CTNS: variants seen among roughly 807,000 people sequenced by gnomAD.
The protein encoded by CTNS is cystinosin.
CTNS carries 27 observed loss-of-function variants against 43.7 expected under a neutral mutation model. The observed-to-expected ratio is 0.62, with a 90% CI of 0.46 to 0.85. CTNS has a LOEUF of 0.85. Among genes scored for constraint, CTNS ranks in the 40% least tolerant of loss-of-function variants. The pLI, the probability that CTNS is intolerant of heterozygous loss-of-function variation, is 0.00. For missense variants in CTNS, 457 were observed against 475.4 expected, an observed-to-expected ratio of 0.96 and a Z score of 0.36; for synonymous variants, 187 against 190.6, an observed-to-expected ratio of 0.98 and a Z score of 0.16.
rs1265159480 is a variant in CTNS, at chr17:3,661,717, A to G, written c.*1348A>G. On this transcript the variant is annotated 3_prime_UTR_variant, in exon 12 of 12. Transcript: ENST00000046640. ...GGTAGCGCGAGACGCCTACCCGCCCAGGGCCAGGTCAGTCTCCCAGGCTCC... is the reference window on the plus strand; with the variant it reads ...GGTAGCGCGAGACGCCTACCCGCCCGGGGCCAGGTCAGTCTCCCAGGCTCC... Among the ~76,000 whole-genome samples, 11 of 152,164 alleles carry G rather than the reference A, an allele frequency of 7.2e-5. No individual in the cohort carries two copies. The highest frequency in any genetic ancestry group is 1.3e-4 in the Non-Finnish European group (9 of 68,030).
intron 5 of CTNS, among the ~76,000 whole-genome samples, chr17:3,654,737 A>G (rs1006388899): frequency 6.7e-6 from 1 of 149,390 alleles, no homozygotes; most frequent in Non-Finnish European, 1.5e-5. Flanking sequence ...GCTCACATCT[A>G]TAATCCCAGC....
In CTNS at chr17:3,647,460, C is replaced by G. The variant is rs2075869844; in HGVS notation, c.78C>G (p.Leu26=). 1 of 1,614,142 alleles carries G rather than the reference C, an allele frequency of 6.2e-7. No homozygotes were observed. Among genetic ancestry groups the G allele is most frequent in the South Asian group, 1.1e-5 (1 of 91,086 alleles). Residue 26 remains leucine (L), a synonymous_variant, in exon 4 of 12, where the codon CTC becomes CTG. Transcript: ENST00000046640. Reference sequence around the variant, plus strand: ...TCCTTCCAGAGTCAAGCGTCAGCCTCACTGTTCCTCCTGTCGTAAAGCTGG... The same window carrying G: ...TCCTTCCAGAGTCAAGCGTCAGCCTGACTGTTCCTCCTGTCGTAAAGCTGG... ...LVEKCESSVS[L]TVPPVVKLEN... is the part of the protein sequence containing the mutation.
chr17:3,637,533 C>G (rs895461262), intron 2 of CTNS, among the ~76,000 whole-genome samples: 5 of 150,898 alleles, frequency 3.3e-5, no homozygotes, highest in African/African-American at 1.2e-4. Flanking sequence ...GTGGCGCGAT[C>G]TCGGCTCACT....
chr17:3,658,231 G>A lies in CTNS; in HGVS notation c.852+56G>A, dbSNP rs1018305089. 5.3e-5 allele frequency: 85 copies of A among 1,603,102 alleles called. 2 individuals are homozygous for A. The Admixed American group carries it at 1.4e-3, about 26-fold the overall frequency. The stretch of plus-strand genomic sequence containing the variant: ...TGGCAGGAGAGGTGAGAGCTACATG[G>A]CCCAGGCCCTGCTCCGGTGGGGCAG... On this transcript the variant is annotated intron_variant, in intron 10 of 11. Coordinates refer to ENST00000046640, the MANE Select transcript of CTNS (RefSeq NM_004937.3).
chr17:3,651,338 G>A (rs369500130), intron 5 of CTNS, among the ~76,000 whole-genome samples: 1 of 151,866 alleles, frequency 6.6e-6, no homozygotes. Context: ...CAGGCGATCC[G>A]CCCACCTCGG....
intron 5 of CTNS, chr17:3,650,463 TG>T: frequency 9.6e-7 from 1 of 1,043,090 alleles, no homozygotes; most frequent in East Asian, 2.6e-5. Flanking sequence ...GCCTGAGTGT[TG>T]GAGCAAGACT....
Position 3,648,880 on chromosome 17 carries a change from T to A in CTNS, c.174T>A (p.Phe58Leu). 6.2e-7 allele frequency: 1 copy of A among 1,614,126 alleles called. No homozygotes were observed. Among genetic ancestry groups the A allele is most frequent in the Non-Finnish European group, 8.5e-7 (1 of 1,179,932 alleles). The stretch of plus-strand genomic sequence containing the variant: ...TAAATGCAACCCTGGTGATCACTTT[T>A]GAAATCACATTTCGTTCCAAAAATA... Reference protein sequence around the residue: ...PPLNATLVITFEITFRSKNIT... With the variant: ...PPLNATLVITLEITFRSKNIT... Residue 58 changes from phenylalanine (F) to leucine (L), a missense_variant, in exon 5 of 12, where the codon TTT becomes TTA. Transcript: ENST00000046640.
intron 4 of CTNS, among the ~76,000 whole-genome samples, chr17:3,648,489 C>T (rs1223092668): frequency 1.3e-5 from 2 of 152,228 alleles, no homozygotes; most frequent in Non-Finnish European, 2.9e-5. Context: ...TCTCCTCCTT[C>T]AGTCAAATGC....
rs181994123 is a variant in CTNS, at chr17:3,642,517, G to A, written c.61+2250G>A. On this transcript the variant is annotated intron_variant, in intron 3 of 11. Coordinates refer to ENST00000046640, the MANE Select transcript of CTNS (RefSeq NM_004937.3). ...AGCCTGGCCAACATGGTGAAACCCC[G>A]TCTCTACTAAAAATACAAAATTAGC... Among the ~76,000 whole-genome samples the A allele has an allele frequency of 4.3e-3, 656 of 152,110 alleles. 3 individuals are homozygous for A. The highest frequency in any genetic ancestry group is 6.8e-3 in the Non-Finnish European group (463 of 67,974).
intron 5 of CTNS, 29 bp from the exon 6 acceptor site, chr17:3,654,969 A>G (rs2076090965): frequency 2.0e-6 from 3 of 1,530,676 alleles, no homozygotes; most frequent in Non-Finnish European, 2.7e-6. Context: ...TGTACGTGGC[A>G]TCGGATTGAA....
Position 3,662,190 on chromosome 17 carries a change from A to G in CTNS, c.*1821A>G, listed in dbSNP as rs1378789475. ...GCTGGGCATGGTGGCGGGCACCTGT[A>G]ATCCCAGCTACTTGGTTGGCTGAGG... On this transcript the variant is annotated 3_prime_UTR_variant, in exon 12 of 12. Coordinates refer to ENST00000046640, the MANE Select transcript of CTNS (RefSeq NM_004937.3). 1.2e-4 allele frequency among the ~76,000 whole-genome samples: 19 copies of G among 152,126 alleles called. No homozygotes were observed. The highest frequency in any genetic ancestry group is 1.5e-5 in the Non-Finnish European group (1 of 68,024).
At chr17:3,648,771 GA>G in intron 4 of CTNS, 75 bp from the exon 5 acceptor site, 1 of 1,209,024 alleles carries the variant, frequency 8.3e-7, no homozygotes, top group South Asian at 1.2e-5. Context: ...TTGAAGGCCA[GA>G]TGTGAAATCC....
chr17:3,647,359 A>C (rs1404850275), intron 3 of CTNS, 85 bp from the exon 4 acceptor site: 2 of 1,120,108 alleles, frequency 1.8e-6, no homozygotes, highest in Admixed American at 3.4e-5. Context: ...TCAGGAGTTC[A>C]GATGTCAGGG....
chr17:3,658,376 C>G (rs994014174), intron 10 of CTNS, among the ~76,000 whole-genome samples: 1 of 152,176 alleles, frequency 6.6e-6, no homozygotes, highest in East Asian at 1.9e-4. Context: ...CACAGGAGAT[C>G]GCTAGCGGAG....
Position 3,661,126 on chromosome 17 carries a change from C to G in CTNS, c.*757C>G. The G allele has an allele frequency of 3.0e-6, 1 of 335,352 alleles. No individual in the cohort carries two copies. Among genetic ancestry groups the G allele is most frequent in the Non-Finnish European group, 5.8e-6 (1 of 171,538 alleles). 20.8% of individuals were successfully genotyped at this position (335,352 alleles called of 1,614,324 possible). A position where few individuals can be genotyped will look rare whatever the true frequency, so the allele number is the denominator to read the frequency against. On this transcript the variant is annotated 3_prime_UTR_variant, in exon 12 of 12. Transcript: ENST00000046640. The stretch of plus-strand genomic sequence containing the variant: ...TCAGATTAGCCCCATCTGAGCACAT[C>G]CAGCTGCTCCTTACCCAGCATCTGG...
chr17:3,660,077 C>T, intron 11 of CTNS, 102 bp downstream of exon 11: 1 of 1,434,928 alleles, frequency 7.0e-7, no homozygotes, highest in Non-Finnish European at 9.8e-7. Context: ...CACCTGGGAT[C>T]CAAGCCAATC....
chr17:3,650,336 G>A (rs780942276), intron 5 of CTNS: 7 of 1,547,740 alleles, frequency 4.5e-6, no homozygotes, highest in Non-Finnish European at 3.5e-6. Context: ...ATATAGCATC[G>A]CTGGCTGCAG....
chr17:3,649,297 C>A (rs1361269957), intron 5 of CTNS, among the ~76,000 whole-genome samples: 1 of 151,920 alleles, frequency 6.6e-6, no homozygotes, highest in Non-Finnish European at 1.5e-5. Context: ...AAAGTAAATA[C>A]AAAAATTAGC....
chr17:3,662,504 C>G lies in CTNS; in HGVS notation c.*2135C>G, dbSNP rs1023011232. On this transcript the variant is annotated 3_prime_UTR_variant, in exon 12 of 12. Coordinates refer to ENST00000046640, the MANE Select transcript of CTNS (RefSeq NM_004937.3). ...CCCTCGCTGGGATACACGGAGTGCC[C>G]TTATAGGCAGGGAGTCTTATAGGCA... Among the ~76,000 whole-genome samples, 7 of 151,986 alleles carry G rather than the reference C, an allele frequency of 4.6e-5. No individual in the cohort carries two copies. The highest frequency in any genetic ancestry group is 1.7e-4 in the African/African-American group (7 of 41,380).
Sources: allele counts gnomAD v4.1 joint callset (sites outside exome capture counted in the v4.1 genomes callset), GRCh38; gene constraint gnomAD v4.1.1; transcripts MANE v1.5; gene names NCBI Gene and HGNC (gene_info 2026-07-23, HGNC 2026-07-21).